Variants in PRKAR1B observed in about 807,000 individuals in gnomAD.
PRKAR1B encodes protein kinase cAMP-dependent type I regulatory subunit beta.
In PRKAR1B, 22 loss-of-function variants were observed where a neutral mutation model predicts 46.5. The observed-to-expected ratio is 0.47, with a 90% CI of 0.34 to 0.68. PRKAR1B has a LOEUF of 0.68. Ranked by LOEUF, PRKAR1B falls within the 30% of genes least tolerant of loss-of-function variation. The pLI, the probability that PRKAR1B is intolerant of heterozygous loss-of-function variation, is 0.01. For missense variants in PRKAR1B, 445 were observed against 535.6 expected, an observed-to-expected ratio of 0.83 and a Z score of 1.67; for synonymous variants, 259 against 217.7, an observed-to-expected ratio of 1.19 and a Z score of -1.67.
intron 4 of PRKAR1B, among the ~76,000 whole-genome samples, chr7:659,181 G>A (rs925994988): frequency 4.6e-5 from 7 of 152,126 alleles, no homozygotes; most frequent in Middle Eastern, 3.2e-3. Context: ...TTTTCAGCAC[G>A]TCTCACTGCC....
chr7:687,747 C>T (rs773908810), intron 2 of PRKAR1B, among the ~76,000 whole-genome samples: 5 of 152,114 alleles, frequency 3.3e-5, no homozygotes, highest in East Asian at 1.9e-4. Flanking sequence ...ACCAGCATAG[C>T]GTGGTAAACC....
Position 633,092 on chromosome 7 carries a change from C to T in PRKAR1B, c.441-25640G>A, listed in dbSNP as rs1213863784. ...TCATTCTCTGCTCCCACCACTGCTC[C>T]GACTCTGGAATACGCTCAGAAACAA... On this transcript the variant is annotated intron_variant, in intron 4 of 10. Coordinates refer to ENST00000537384, the MANE Select transcript of PRKAR1B (RefSeq NM_001164760.2). Among the ~76,000 whole-genome samples, 8 of 152,216 alleles carry T rather than the reference C, an allele frequency of 5.3e-5. No individual in the cohort carries two copies. In the East Asian group the frequency reaches 5.8e-4, roughly 11 times the overall value.
intron 8 of PRKAR1B, among the ~76,000 whole-genome samples, chr7:579,680 G>A (rs1168370043): frequency 6.6e-6 from 1 of 152,230 alleles, no homozygotes; most frequent in Non-Finnish European, 1.5e-5. Context: ...ACCCAGCAGT[G>A]AAAACTGACT....
Position 726,957 on chromosome 7 carries a change from G to A in PRKAR1B, c.-23+253C>T, listed in dbSNP as rs2128538246. 7.6e-7 allele frequency: 1 copy of A among 1,323,386 alleles called. No individual in the cohort carries two copies. The highest frequency in any genetic ancestry group is 3.4e-5 in the East Asian group (1 of 29,132). 82.0% of individuals were successfully genotyped at this position (1,323,386 alleles called of 1,614,324 possible). A position where few individuals can be genotyped will look rare whatever the true frequency, so the allele number is the denominator to read the frequency against. ...GCCCCTGGGCGCGCCTACTGCTGCC[G>A]CGCTTGCTGCGCTGCCTGAGCGACC... On this transcript the variant is annotated intron_variant, in intron 1 of 10. Transcript: ENST00000537384.
intron 9 of PRKAR1B, among the ~76,000 whole-genome samples, chr7:566,321 C>A (rs1366604528): frequency 7.4e-6 from 1 of 135,838 alleles, no homozygotes; most frequent in Non-Finnish European, 1.6e-5. Context: ...ACCATATTCA[C>A]CAACTCATCA....
intron 4 of PRKAR1B, among the ~76,000 whole-genome samples, chr7:665,435 G>T (rs1407486400): frequency 1.3e-5 from 2 of 152,128 alleles, no homozygotes; most frequent in African/African-American, 4.8e-5. Context: ...CGAGGCCCAT[G>T]GCCCAGGGAC....
At chr7:635,520 G>T (rs1053531538) in intron 4 of PRKAR1B, among the ~76,000 whole-genome samples, 2 of 152,192 alleles carry the variant, frequency 1.3e-5, no homozygotes, top group Non-Finnish European at 2.9e-5. Flanking sequence ...CAGACGCACA[G>T]CTGGGACCCG....
chr7:689,645 G>A (rs1303928455), intron 2 of PRKAR1B, among the ~76,000 whole-genome samples: 2 of 151,818 alleles, frequency 1.3e-5, no homozygotes, highest in African/African-American at 4.8e-5. Context: ...AAGGAGGGGA[G>A]GGGGAGGAGA....
chr7:591,927 G>A (rs528819795), intron 7 of PRKAR1B, among the ~76,000 whole-genome samples: 93 of 152,274 alleles, frequency 6.1e-4, no homozygotes, highest in South Asian at 3.9e-3. Context: ...CGGCTCCCAC[G>A]CACGGCTGTG....
At chr7:654,993 C>A (rs1396616243) in intron 4 of PRKAR1B, among the ~76,000 whole-genome samples, 3 of 152,206 alleles carry the variant, frequency 2.0e-5, no homozygotes, top group African/African-American at 7.2e-5. Context: ...GGGCCCCTTT[C>A]TTTAGAATCA....
At chr7:638,796 G>A (rs1784252376) in intron 4 of PRKAR1B, among the ~76,000 whole-genome samples, 1 of 152,216 alleles carries the variant, frequency 6.6e-6, no homozygotes, top group African/African-American at 2.4e-5. Context: ...TTCACATGCG[G>A]CCGGGCGCGG....
At position 593,789 on chromosome 7, in the gene PRKAR1B, T is replaced by C. The variant is rs995904900; in HGVS notation, c.708+2357A>G. Among the ~76,000 whole-genome samples the C allele has an allele frequency of 6.6e-6, 1 of 152,182 alleles. No individual in the cohort carries two copies. Among genetic ancestry groups the C allele is most frequent in the Non-Finnish European group, 1.5e-5 (1 of 68,010 alleles). On this transcript the variant is annotated intron_variant, in intron 7 of 10. Transcript: ENST00000537384. This position sits in a 1 kb window ranked among gnomAD's most constrained non-coding sequence, Gnocchi z 6.1. ...GAGGCTGCACATCATCTGTTCTGTG[T>C]ACTGGAGTATCCCCAGCAGCACAGG... is the stretch of plus-strand genomic sequence containing the variant.
At chr7:627,676 C>A (rs1196287763) in intron 4 of PRKAR1B, among the ~76,000 whole-genome samples, 1 of 152,188 alleles carries the variant, frequency 6.6e-6, no homozygotes, top group South Asian at 2.1e-4. Flanking sequence ...CAACACCCCC[C>A]AGGGTGGGCA....
At position 680,754 on chromosome 7, in the gene PRKAR1B, G is replaced by T. The variant is rs372359732; in HGVS notation, c.178-28C>A. 3.1e-6 allele frequency: 5 copies of T among 1,613,238 alleles called. No homozygotes were observed. In the African/African-American group the frequency reaches 4.0e-5, roughly 13 times the overall value. On this transcript the variant is annotated intron_variant, in intron 2 of 10. Transcript: ENST00000537384. ...GTGTGGGAGAGGAAAACACAGAAAGGAAGTAAGAACCTGGCTGTCCCGGCC... is the reference window on the plus strand; with the variant it reads ...GTGTGGGAGAGGAAAACACAGAAAGTAAGTAAGAACCTGGCTGTCCCGGCC...
chr7:710,967 C>G (rs74826174), intron 2 of PRKAR1B, among the ~76,000 whole-genome samples: 4,684 of 152,268 alleles, frequency 0.031, 118 homozygotes, highest in South Asian at 0.087. Flanking sequence ...GTGGTGACAG[C>G]ATCTGTAACT....
chr7:681,750 T>C (rs1279998359), intron 2 of PRKAR1B, among the ~76,000 whole-genome samples: 1 of 152,222 alleles, frequency 6.6e-6, no homozygotes, highest in East Asian at 1.9e-4. Flanking sequence ...AGACAAGTGC[T>C]TCGACCACTG....
intron 8 of PRKAR1B, among the ~76,000 whole-genome samples, chr7:582,305 A>G (rs748734323): frequency 1.2e-4 from 18 of 152,366 alleles, no homozygotes; most frequent in South Asian, 2.1e-4. Context: ...AGGAGCATCC[A>G]GGCACAAAAG....
At chr7:681,004 G>C (rs929881720) in intron 2 of PRKAR1B, among the ~76,000 whole-genome samples, 3 of 151,990 alleles carry the variant, frequency 2.0e-5, no homozygotes, top group Non-Finnish European at 2.9e-5. Flanking sequence ...ATCCCCACTT[G>C]TCCAGGGAGA....
chr7:654,455 T>A (rs1250048752), intron 4 of PRKAR1B, among the ~76,000 whole-genome samples: 1 of 151,006 alleles, frequency 6.6e-6, no homozygotes, highest in Non-Finnish European at 1.5e-5. Context: ...ATCACCATCT[T>A]CATCACTACC....
Sources: gnomAD v4.1 joint callset for allele counts (sites outside exome capture counted in the v4.1 genomes callset) on GRCh38, gnomAD v4.1.1 for gene constraint, Gnocchi (gnomAD v3.1) non-coding constraint, MANE v1.5 for transcripts, NCBI Gene and HGNC (gene_info 2026-07-23, HGNC 2026-07-21) for gene names.